Variants in SDCCAG8 observed in about 807,000 individuals in gnomAD.
SDCCAG8 encodes the protein SHH signaling and ciliogenesis regulator SDCCAG8.
SDCCAG8 carries 74 observed loss-of-function variants against 101.8 expected under a neutral mutation model. The observed-to-expected ratio is 0.73, with a 90% CI of 0.60 to 0.88. The LOEUF (loss-of-function observed/expected upper bound fraction) is 0.88. SDCCAG8 is among the 40% of genes least tolerant of loss of function. The probability of loss-of-function intolerance (pLI) is 0.00; values close to 1 mark genes in which losing one functional copy is unlikely to be tolerated. For synonymous variants in SDCCAG8, 281 were observed against 292.9 expected, an observed-to-expected ratio of 0.96 and a Z score of 0.41; for missense variants, 787 against 822.6, an observed-to-expected ratio of 0.96 and a Z score of 0.53.
In SDCCAG8 at chr1:243,500,043, C is replaced by G; in HGVS notation, c.*258C>G. The G allele has an allele frequency of 1.9e-6, 1 of 536,076 alleles. No homozygotes were observed. The highest frequency in any genetic ancestry group is 3.3e-6 in the Non-Finnish European group (1 of 301,714). The allele number at this position is 536,076 out of a possible 1,614,324, so 33.2% of individuals were successfully genotyped here. ...AGTTATGTGTTTAAATCTGCTCATTCGTATGCTAGGTTATACATATGATTT... is the reference window on the plus strand; with the variant it reads ...AGTTATGTGTTTAAATCTGCTCATTGGTATGCTAGGTTATACATATGATTT... On this transcript the variant is annotated 3_prime_UTR_variant, in exon 18 of 18. Transcript: ENST00000366541.
chr1:243,317,318 C>G (rs908744520), intron 9 of SDCCAG8, among the ~76,000 whole-genome samples: 3 of 141,348 alleles, frequency 2.1e-5, no homozygotes, highest in African/African-American at 7.7e-5. Context: ...TATTTAGTAG[C>G]ATTTTTTTTT....
intron 13 of SDCCAG8, among the ~76,000 whole-genome samples, chr1:243,402,932 A>G (rs1243168320): frequency 6.6e-6 from 1 of 152,248 alleles, no homozygotes; most frequent in African/African-American, 2.4e-5. Context: ...CTTGAAGAGC[A>G]GATGAGTGAT....
chr1:243,294,501 A>AAGAGAGAGAGAG (rs2070627731), intron 6 of SDCCAG8, among the ~76,000 whole-genome samples: 3 of 26,696 alleles, frequency 1.1e-4, no homozygotes, highest in South Asian at 1.4e-3. Context: ...GAGAGAGAGA[A>AAGAGAGAGAGAG]AGAGCGAGAG....
At position 243,437,760 on chromosome 1, in the gene SDCCAG8, G is replaced by A. The variant is rs866314368; in HGVS notation, c.1985+11202G>A. Among the ~76,000 whole-genome samples the A allele has an allele frequency of 1.8e-4, 27 of 152,152 alleles. 1 individual carries two copies. Among genetic ancestry groups the A allele is most frequent in the South Asian group, 8.3e-4 (4 of 4,824 alleles). On this transcript the variant is annotated intron_variant, in intron 16 of 17. Transcript: ENST00000366541. ...TCACCGTGTTAGCCAGGATGGTCTCGATCTCCTGACCTCGTGATCCGCCCG... is the reference window on the plus strand; with the variant it reads ...TCACCGTGTTAGCCAGGATGGTCTCAATCTCCTGACCTCGTGATCCGCCCG...
intron 17 of SDCCAG8, among the ~76,000 whole-genome samples, chr1:243,496,275 G>A (rs370907701): frequency 2.0e-5 from 3 of 152,224 alleles, no homozygotes; most frequent in Non-Finnish European, 4.4e-5. Flanking sequence ...GGGTGCGGGC[G>A]GAGCCGGGCC....
chr1:243,472,404 C>A (rs558698994), intron 16 of SDCCAG8, among the ~76,000 whole-genome samples: 1 of 152,152 alleles, frequency 6.6e-6, no homozygotes, highest in African/African-American at 2.4e-5. Context: ...TTTCTAAGTC[C>A]AGGGCTGGAG....
chr1:243,345,975 A>G (rs1013899694), intron 12 of SDCCAG8, among the ~76,000 whole-genome samples: 1 of 152,182 alleles, frequency 6.6e-6, no homozygotes, highest in African/African-American at 2.4e-5. Context: ...CCTTTTTAGG[A>G]GGTCACAGCT....
chr1:243,300,326 C>T (rs2071381634), intron 6 of SDCCAG8, among the ~76,000 whole-genome samples: 1 of 152,098 alleles, frequency 6.6e-6, no homozygotes, highest in African/African-American at 2.4e-5. Context: ...CAGTTTTTCT[C>T]TTAAATATTT....
At chr1:243,258,075 G>A (rs1309509962) in intron 1 of SDCCAG8, among the ~76,000 whole-genome samples, 1 of 151,984 alleles carries the variant, frequency 6.6e-6, no homozygotes, top group Non-Finnish European at 1.5e-5. Context: ...TTCATTTAAG[G>A]ATAATACATT....
At chr1:243,384,355 T>C (rs987619348) in intron 13 of SDCCAG8, among the ~76,000 whole-genome samples, 2 of 152,174 alleles carry the variant, frequency 1.3e-5, no homozygotes, top group African/African-American at 4.8e-5. Flanking sequence ...TTCTCACAAA[T>C]ATCAGAGTAC....
intron 12 of SDCCAG8, among the ~76,000 whole-genome samples, chr1:243,350,371 G>C (rs1202581714): frequency 6.6e-6 from 1 of 151,974 alleles, no homozygotes; most frequent in East Asian, 1.9e-4. Flanking sequence ...ACCACCCCCA[G>C]CTATTTTGTT....
At chr1:243,469,165 T>C (rs1391621147) in intron 16 of SDCCAG8, among the ~76,000 whole-genome samples, 1 of 152,230 alleles carries the variant, frequency 6.6e-6, no homozygotes, top group Non-Finnish European at 1.5e-5. Context: ...GAATTGCTAA[T>C]AATAGTTTCT....
chr1:243,373,688 A>T (rs1326554027), intron 12 of SDCCAG8, among the ~76,000 whole-genome samples: 1 of 152,148 alleles, frequency 6.6e-6, no homozygotes, highest in Admixed American at 6.6e-5. Context: ...CTTACATTAT[A>T]GCCATGCAAA....
At chr1:243,456,220 A>G (rs2083742138) in intron 16 of SDCCAG8, among the ~76,000 whole-genome samples, 2 of 152,152 alleles carry the variant, frequency 1.3e-5, no homozygotes, top group Non-Finnish European at 2.9e-5. Flanking sequence ...AAAGCCTGAC[A>G]TAATTAGGTC....
At chr1:243,376,405 T>C (rs2077599114) in intron 12 of SDCCAG8, among the ~76,000 whole-genome samples, 1 of 152,190 alleles carries the variant, frequency 6.6e-6, no homozygotes, top group African/African-American at 2.4e-5. Flanking sequence ...CTGATTTGCG[T>C]TGGCTGTTAG....
chr1:243,272,542 A>G (rs1268235130), intron 3 of SDCCAG8, among the ~76,000 whole-genome samples: 1 of 152,192 alleles, frequency 6.6e-6, no homozygotes, highest in Non-Finnish European at 1.5e-5. Context: ...AATCTACTAG[A>G]TGAAGTTGCT....
At chr1:243,448,151 A>C (rs1291672626) in intron 16 of SDCCAG8, among the ~76,000 whole-genome samples, 1 of 152,248 alleles carries the variant, frequency 6.6e-6, no homozygotes, top group Non-Finnish European at 1.5e-5. Flanking sequence ...TGTCATCCAC[A>C]GGTGAAGCTT....
chr1:243,468,457 A>T (rs1025294204), intron 16 of SDCCAG8, among the ~76,000 whole-genome samples: 3 of 152,156 alleles, frequency 2.0e-5, no homozygotes, highest in African/African-American at 7.2e-5. Context: ...ACCTCAGGTG[A>T]TCCACCCGCC....
chr1:243,276,197 A>T (rs2068558867), intron 4 of SDCCAG8, among the ~76,000 whole-genome samples: 1 of 152,192 alleles, frequency 6.6e-6, no homozygotes, highest in Non-Finnish European at 1.5e-5. Flanking sequence ...CATTTAGATC[A>T]GCAGAAGGGA....
Sources: gnomAD v4.1 joint callset for allele counts (sites outside exome capture counted in the v4.1 genomes callset) on GRCh38, gnomAD v4.1.1 for gene constraint, MANE v1.5 for transcripts, NCBI Gene and HGNC (gene_info 2026-07-23, HGNC 2026-07-21) for gene names.